PABPC1L: variants seen among roughly 807,000 people sequenced by gnomAD.
PABPC1L encodes poly(A) binding protein cytoplasmic 1 like, also known as polyadenylate-binding protein 1-like.
PABPC1L carries 31 observed loss-of-function variants against 66.6 expected under a neutral mutation model. That is an observed-to-expected ratio of 0.47 (90% CI 0.35 to 0.63). The LOEUF is 0.63. PABPC1L is among the 20% of genes least tolerant of loss of function. The pLI, the probability that PABPC1L is intolerant of heterozygous loss-of-function variation, is 0.00. For synonymous variants in PABPC1L, 348 were observed against 335.1 expected (o/e 1.04, Z -0.42); for missense variants, 722 against 848.8 (o/e 0.85, Z 1.86).
intron 7 of PABPC1L, among the ~76,000 whole-genome samples, chr20:44,929,698 G>T (rs2066836516): frequency 6.6e-6 from 1 of 151,824 alleles, no homozygotes; most frequent in Admixed American, 6.6e-5. Context: ...AGGAGGCTAA[G>T]GCAGGAGAAT....
At chr20:44,931,240 G>A (rs1048329918) in intron 8 of PABPC1L, among the ~76,000 whole-genome samples, 7 of 151,402 alleles carry the variant, frequency 4.6e-5, no homozygotes, top group Admixed American at 2.6e-4. Context: ...GCAATGGCAT[G>A]ATCATGGCTC....
rs1453559297 is a variant in PABPC1L at position 44,919,172 on chromosome 20, G to A, written c.644-11G>A. The A allele has an allele frequency of 1.2e-6, 2 of 1,614,188 alleles. No homozygotes were observed. The highest frequency in any genetic ancestry group is 1.7e-6 in the Non-Finnish European group (2 of 1,180,028). On this transcript the variant is annotated splice_polypyrimidine_tract_variant and intron_variant, in intron 4 of 14. Coordinates refer to ENST00000217073, the MANE Select transcript of PABPC1L (RefSeq NM_001372179.1). ...CCAGACTCCCCTTTGAGCCAGGTTG[G>A]TCCTTTGCAGGGAAAATGCTGAGTG... is the stretch of plus-strand genomic sequence containing the variant.
chr20:44,938,586 C>A, intron 13 of PABPC1L, 88 bp from the exon 14 acceptor site: 1 of 1,462,222 alleles, frequency 6.8e-7, no homozygotes, highest in Non-Finnish European at 9.3e-7. Flanking sequence ...ATCCTGTATC[C>A]AGGATGGTGA....
At chr20:44,916,954 A>C in intron 3 of PABPC1L, 83 bp downstream of exon 3, 2 of 1,354,756 alleles carry the variant, frequency 1.5e-6, no homozygotes, top group South Asian at 1.2e-5. Flanking sequence ...TGCTACCCTC[A>C]AGCTGCTAAT....
At chr20:44,915,862 G>T (rs921038383) in intron 2 of PABPC1L, among the ~76,000 whole-genome samples, 11 of 151,226 alleles carry the variant, frequency 7.3e-5, no homozygotes, top group African/African-American at 2.4e-4. Flanking sequence ...TATTGGCAAA[G>T]TTTAAACAAT....
intron 7 of PABPC1L, among the ~76,000 whole-genome samples, chr20:44,926,516 C>T (rs1290200536): frequency 2.7e-5 from 4 of 148,976 alleles, no homozygotes; most frequent in African/African-American, 4.9e-5. Flanking sequence ...TGAGCCACCA[C>T]GCCCAGCCTA....
At chr20:44,931,142 A>G (rs1307226997) in intron 8 of PABPC1L, among the ~76,000 whole-genome samples, 1 of 122,330 alleles carries the variant, frequency 8.2e-6, no homozygotes, top group Admixed American at 8.5e-5. Flanking sequence ...CTGGTGAGCA[A>G]TGGCGTGATC....
Position 44,912,842 on chromosome 20 carries a change from C to T in PABPC1L, c.376C>T (p.Leu126Phe). 5 of 1,613,844 alleles carry T rather than the reference C, an allele frequency of 3.1e-6. No individual in the cohort carries two copies. The highest frequency in any genetic ancestry group is 4.2e-6 in the Non-Finnish European group (5 of 1,179,784). Residue 126 changes from leucine (L) to phenylalanine (F), a missense_variant, in exon 2 of 15, where the codon CTC (leucine) becomes TTC (phenylalanine). Around this residue, in one of 3 missense-constraint regions of PABPC1L, gnomAD observed 284 missense variants for 294.8 expected, o/e 0.96. Coordinates refer to ENST00000217073, the MANE Select transcript of PABPC1L (RefSeq NM_001372179.1). Reference protein sequence around the residue: ...YDTFSTFGNILSCKVACDEHG... With the variant: ...YDTFSTFGNIFSCKVACDEHG... ...TACCTTCTCCACCTTTGGGAACATC[C>T]TCTCTTGCAAGGTAGAGGATGAAGG... is the stretch of plus-strand genomic sequence containing the variant.
At chr20:44,918,025 C>T (rs1370684510) in intron 3 of PABPC1L, among the ~76,000 whole-genome samples, 1 of 152,094 alleles carries the variant, frequency 6.6e-6, no homozygotes, top group Non-Finnish European at 1.5e-5. Context: ...TGGAAATGAA[C>T]TTTTAAAATT....
At chr20:44,931,061 T>TTCCCTTCCCTTCCCTTCCCTCCC (rs1555799639) in intron 8 of PABPC1L, among the ~76,000 whole-genome samples, 1 of 11,670 alleles carries the variant, frequency 8.6e-5, no homozygotes, top group East Asian at 3.5e-3. Flanking sequence ...TTCCCTTCCC[T>TTCCCTTCCCTTCCCTTCCCTCCC]TCCCTCCCTC....
At chr20:44,937,939 C>A in intron 12 of PABPC1L, 122 bp from the exon 13 acceptor site, 2 of 1,338,258 alleles carry the variant, frequency 1.5e-6, no homozygotes, top group Non-Finnish European at 1.0e-6. Context: ...AATGTCATAG[C>A]CTAGAAGGAG....
At chr20:44,933,250 G>A (rs2066876151) in intron 10 of PABPC1L, 65 bp downstream of exon 10, 1 of 1,352,090 alleles carries the variant, frequency 7.4e-7, no homozygotes, top group Non-Finnish European at 1.0e-6. Flanking sequence ...GTCAGGACCA[G>A]CCTCCATGGT....
intron 6 of PABPC1L, 73 bp downstream of exon 6, chr20:44,921,804 CTG>C (rs2066776007): frequency 3.8e-6 from 6 of 1,590,044 alleles, no homozygotes; most frequent in Non-Finnish European, 5.1e-6. Context: ...TGAGTGGTGA[CTG>C]TTTCTTCTAG....
intron 2 of PABPC1L, among the ~76,000 whole-genome samples, chr20:44,913,778 A>T (rs891233201): frequency 4.6e-5 from 7 of 152,206 alleles, no homozygotes; most frequent in African/African-American, 1.7e-4. Flanking sequence ...TAGAAATTAT[A>T]GGATGAAGGG....
chr20:44,927,253 A>C (rs999523654), intron 7 of PABPC1L, among the ~76,000 whole-genome samples: 1 of 152,168 alleles, frequency 6.6e-6, no homozygotes, highest in Non-Finnish European at 1.5e-5. Flanking sequence ...TACTTATACC[A>C]CTATCAAGTT....
At position 44,916,891 on chromosome 20, in the gene PABPC1L, G is replaced by A. The variant is rs1029260273; in HGVS notation, c.503+20G>A. The A allele has an allele frequency of 1.9e-6, 3 of 1,608,022 alleles. No individual in the cohort carries two copies. On this transcript the variant is annotated intron_variant, in intron 3 of 14. Coordinates refer to ENST00000217073, the MANE Select transcript of PABPC1L (RefSeq NM_001372179.1). ...CAAAGTGTGAGTGGCTGGGCCCGAG[G>A]GAGGGGCGGAGGCTGCAGGGACAGA...
rs1350777135 is a variant in PABPC1L at position 44,933,154 on chromosome 20, G to A, written c.1428G>A (p.Val476=). The part of the protein sequence containing the change: ...ISSVRQASTQ[V]PRTVPHTQRV... ...GTGTCAGGCAGGCCTCCACCCAGGT[G>A]CCACGCACGGTGCCTCATACCCAGA... is the stretch of plus-strand genomic sequence containing the variant. The change falls in exon 10 of 15, where the codon GTG becomes GTA. Residue 476 remains valine, a synonymous_variant. Coordinates refer to ENST00000217073, the MANE Select transcript of PABPC1L (RefSeq NM_001372179.1). 4 of 1,609,128 alleles carry A rather than the reference G, an allele frequency of 2.5e-6. No homozygotes were observed. Among genetic ancestry groups the A allele is most frequent in the Admixed American group, 1.7e-5 (1 of 59,090 alleles).
chr20:44,912,625 A>T (rs546671557), intron 1 of PABPC1L, 35 bp from the exon 2 acceptor site: 1 of 1,560,182 alleles, frequency 6.4e-7, no homozygotes, highest in South Asian at 1.1e-5. Context: ...AAATTCCCTA[A>T]ACTTGCTAAT....
At chr20:44,929,415 T>C (rs912945820) in intron 7 of PABPC1L, among the ~76,000 whole-genome samples, 1 of 152,158 alleles carries the variant, frequency 6.6e-6, no homozygotes, top group African/African-American at 2.4e-5. Context: ...GAGCTAATGG[T>C]ATAAAATAGT....
Sources: allele counts gnomAD v4.1 joint callset (sites outside exome capture counted in the v4.1 genomes callset), GRCh38; gene constraint gnomAD v4.1.1; regional missense constraint gnomAD v4.1.1; transcripts MANE v1.5; gene names NCBI Gene and HGNC (gene_info 2026-07-23, HGNC 2026-07-21).